Variants in BMP8B observed in about 807,000 individuals in gnomAD.
BMP8B encodes bone morphogenetic protein 8 (osteogenic protein 2).
In BMP8B, 17 loss-of-function variants were observed where a neutral mutation model predicts 30.3. The ratio of observed to expected loss-of-function variants is 0.56; its 90% CI spans 0.38 to 0.84. The LOEUF (loss-of-function observed/expected upper bound fraction) is 0.84. Among genes scored for constraint, BMP8B ranks in the 40% least tolerant of loss-of-function variants. The pLI, the probability that BMP8B is intolerant of heterozygous loss-of-function variation, is 0.00. For missense variants in BMP8B, 253 were observed against 494.6 expected, an observed-to-expected ratio of 0.51 and a Z score of 4.63; for synonymous variants, 131 against 214.7, an observed-to-expected ratio of 0.61 and a Z score of 3.41.
chr1:39,762,807 A>G (rs1015645812), intron 6 of BMP8B, among the ~76,000 whole-genome samples: 38 of 152,244 alleles, frequency 2.5e-4, no homozygotes, highest in Non-Finnish European at 4.8e-4. Context: ...CGCTGCACAC[A>G]GGTGCGTAAG....
chr1:39,770,352 T>C lies in BMP8B; in HGVS notation c.673+3956A>G, dbSNP rs768577604. On this transcript the variant is annotated intron_variant, in intron 3 of 6. Coordinates refer to ENST00000372827, the MANE Select transcript of BMP8B (RefSeq NM_001720.5). Reference sequence around the variant, plus strand: ...AATTCCAGAGCTGCGCGTCTGATGATGCGCGTCCTGGCGTCCTCTTCCTTT... The same window carrying C: ...AATTCCAGAGCTGCGCGTCTGATGACGCGCGTCCTGGCGTCCTCTTCCTTT... The C allele has an allele frequency of 1.9e-5, 30 of 1,593,348 alleles. No individual in the cohort carries two copies. Among genetic ancestry groups the C allele is most frequent in the Admixed American group, 1.0e-4 (6 of 58,998 alleles).
At chr1:39,769,260 ACT>A (rs1295788703) in intron 3 of BMP8B, among the ~76,000 whole-genome samples, 1 of 150,780 alleles carries the variant, frequency 6.6e-6, no homozygotes, top group Admixed American at 6.6e-5. Context: ...CCAATCACAA[ACT>A]CACATCTTTG....
At chr1:39,779,770 T>C (rs959265049) in intron 1 of BMP8B, among the ~76,000 whole-genome samples, 3 of 152,240 alleles carry the variant, frequency 2.0e-5, no homozygotes, top group Admixed American at 6.5e-5. Context: ...GTACGTCCTT[T>C]CTGTTCATGC....
intron 3 of BMP8B, chr1:39,770,401 C>T (rs1226252177): frequency 1.2e-6 from 2 of 1,601,470 alleles, no homozygotes; most frequent in Admixed American, 1.7e-5. Flanking sequence ...CTTCCTCTTT[C>T]AGGATCGTTA....
chr1:39,781,846 T>C (rs1041132522), intron 1 of BMP8B, among the ~76,000 whole-genome samples: 3 of 152,120 alleles, frequency 2.0e-5, no homozygotes, highest in African/African-American at 7.2e-5. Flanking sequence ...GGCAGTTCTT[T>C]AGGCCCAGTC....
At chr1:39,787,599 A>C (rs2311564) in intron 1 of BMP8B, among the ~76,000 whole-genome samples, 25,787 of 151,920 alleles carry the variant, frequency 0.17, 2,644 homozygotes, top group Middle Eastern at 0.31. Context: ...GTGACAAGGC[A>C]ACAGTCCCTG....
At chr1:39,785,764 G>A (rs1176774570) in intron 1 of BMP8B, among the ~76,000 whole-genome samples, 1 of 152,106 alleles carries the variant, frequency 6.6e-6, no homozygotes, top group African/African-American at 2.4e-5. Context: ...AACCTCCAGG[G>A]GCCTCCAAAC....
intron 1 of BMP8B, among the ~76,000 whole-genome samples, chr1:39,782,246 G>A (rs1650694957): frequency 6.6e-6 from 1 of 151,828 alleles, no homozygotes; most frequent in African/African-American, 2.4e-5. Flanking sequence ...GCGACTCAAT[G>A]CTGAAGAGAA....
At position 39,770,503 on chromosome 1, in the gene BMP8B, C is replaced by A. The variant is rs116062393; in HGVS notation, c.673+3805G>T. The A allele has an allele frequency of 1.6e-3, 2,626 of 1,610,280 alleles. 96 individuals carry two copies. In the African/African-American group the frequency reaches 0.031, roughly 19 times the overall value. On this transcript the variant is annotated intron_variant, in intron 3 of 6. Coordinates refer to ENST00000372827, the MANE Select transcript of BMP8B (RefSeq NM_001720.5). Reference sequence around the variant, plus strand: ...GGATGTCTTCTGGGGGGAAAGCCCCCACCTCCACGATCTCTTCCACCTCCA... The same window carrying A: ...GGATGTCTTCTGGGGGGAAAGCCCCAACCTCCACGATCTCTTCCACCTCCA...
At chr1:39,763,042 C>T (rs764008483) in intron 6 of BMP8B, 50 bp downstream of exon 6, 9 of 1,597,482 alleles carry the variant, frequency 5.6e-6, no homozygotes, top group South Asian at 4.4e-5. Flanking sequence ...GACCCCTCTC[C>T]ACAGGGCCCC....
chr1:39,787,275 C>G (rs190411224), intron 1 of BMP8B, among the ~76,000 whole-genome samples: 1 of 152,128 alleles, frequency 6.6e-6, no homozygotes, highest in Admixed American at 6.5e-5. Context: ...CCACAGCTCC[C>G]CGACTTTGGG....
chr1:39,776,923 T>A (rs1478712031), intron 1 of BMP8B, among the ~76,000 whole-genome samples: 1 of 152,162 alleles, frequency 6.6e-6, no homozygotes, highest in Non-Finnish European at 1.5e-5. Context: ...AAAAAGCAAC[T>A]AAAATATGGG....
chr1:39,787,949 A>G (rs1169915209), intron 1 of BMP8B, among the ~76,000 whole-genome samples: 1 of 151,476 alleles, frequency 6.6e-6, no homozygotes, highest in Non-Finnish European at 1.5e-5. Context: ...AGTCCCCCAC[A>G]CTCTGCTCCT....
chr1:39,767,233 AC>A (rs2124446624), intron 3 of BMP8B, among the ~76,000 whole-genome samples: 1 of 152,254 alleles, frequency 6.6e-6, no homozygotes, highest in Non-Finnish European at 1.5e-5. Flanking sequence ...TGACTAGGGA[AC>A]CTTGGAAGCA....
intron 1 of BMP8B, among the ~76,000 whole-genome samples, chr1:39,776,133 G>C (rs1650213707): frequency 1.3e-5 from 2 of 152,254 alleles, no homozygotes; most frequent in Non-Finnish European, 2.9e-5. Context: ...GGGTGGAGGG[G>C]AATTAGAAGA....
At chr1:39,763,544 A>G in intron 5 of BMP8B, 168 bp downstream of exon 5, 1 of 1,119,986 alleles carries the variant, frequency 8.9e-7, no homozygotes, top group South Asian at 1.7e-5. Flanking sequence ...CTGAACAAAA[A>G]AAAAACCCTT....
At position 39,760,374 on chromosome 1, in the gene BMP8B, G is replaced by T. The variant is rs12094291; in HGVS notation, c.*45C>A. On this transcript the variant is annotated 3_prime_UTR_variant, in exon 7 of 7. Transcript: ENST00000372827. ...AGGGTTTCCTGCTTCTGAGGGGCCC[G>T]ATCCAGATGAGAAGGGTGGCTGCAG... The T allele has an allele frequency of 6.2e-7, 1 of 1,608,540 alleles. No individual in the cohort carries two copies. Among genetic ancestry groups the T allele is most frequent in the South Asian group, 1.1e-5 (1 of 90,918 alleles).
At chr1:39,775,806 C>G (rs1256709792) in intron 1 of BMP8B, among the ~76,000 whole-genome samples, 1 of 152,130 alleles carries the variant, frequency 6.6e-6, no homozygotes, top group East Asian at 1.9e-4. Flanking sequence ...GGAGTGACAA[C>G]TCCCAGAGAG....
At chr1:39,763,980 T>C in intron 4 of BMP8B, 189 bp from the exon 5 acceptor site, 1 of 700,772 alleles carries the variant, frequency 1.4e-6, no homozygotes, top group Non-Finnish European at 2.3e-6. Flanking sequence ...AAGCCTGCCA[T>C]GGCTCCCAAT....
Sources: gnomAD v4.1 joint callset for allele counts (sites outside exome capture counted in the v4.1 genomes callset) on GRCh38, gnomAD v4.1.1 for gene constraint, MANE v1.5 for transcripts, NCBI Gene and HGNC (gene_info 2026-07-23, HGNC 2026-07-21) for gene names.